The following CEP63 variants were observed in gnomAD, a reference collection of about 807,000 sequenced individuals.
CEP63 encodes the protein centrosomal protein 63.
A neutral mutation model predicts 89.1 loss-of-function variants in CEP63; 84 were observed. That is an observed-to-expected ratio of 0.94 (90% CI 0.79 to 1.13). The LOEUF is 1.13. Ranked by LOEUF, CEP63 falls within the 50% of genes most tolerant of loss-of-function variation. CEP63 has a pLI of 0.00. For missense variants in CEP63, 838 were observed against 813.3 expected (o/e 1.03, Z -0.37); for synonymous variants, 267 against 272.5 (o/e 0.98, Z 0.20).
the CEP63 span, among the ~76,000 whole-genome samples, chr3:134,678,648 T>C: frequency 6.6e-6 from 1 of 152,346 alleles, no homozygotes; most frequent in Non-Finnish European, 1.5e-5. Context: ...GTGGGTTCTA[T>C]AAGTGTCCTC....
At chr3:134,589,523 A>G (rs1373193572), downstream of CEP63, among the ~76,000 whole-genome samples, 1 of 152,110 alleles carries the variant, frequency 6.6e-6, no homozygotes, top group Non-Finnish European at 1.5e-5. Flanking sequence ...AAAAGGTAGA[A>G]TGACAGAGAA....
At chr3:134,645,644 T>A in the CEP63 span, among the ~76,000 whole-genome samples, 5 of 152,200 alleles carry the variant, frequency 3.3e-5, no homozygotes, top group African/African-American at 7.2e-5. Flanking sequence ...TTACACATGT[T>A]GATGGAGTGG....
the CEP63 span, among the ~76,000 whole-genome samples, chr3:134,775,602 G>A: frequency 1.3e-5 from 2 of 152,142 alleles, no homozygotes; most frequent in Non-Finnish European, 2.9e-5. Context: ...GGGAGCCCCA[G>A]AGAGTCCAAT....
intron 10 of CEP63, among the ~76,000 whole-genome samples, chr3:134,583,609 A>G (rs1278667395): frequency 6.6e-6 from 1 of 152,186 alleles, no homozygotes; most frequent in Non-Finnish European, 1.5e-5. Context: ...GAAGTCAGGT[A>G]GAGTGATACC....
At chr3:134,619,110 G>A in the CEP63 span, 1 of 1,511,268 alleles carries the variant, frequency 6.6e-7, no homozygotes, top group South Asian at 1.1e-5. Context: ...GAGAGGGATG[G>A]GTCCGGTGGT....
chr3:134,532,632 GT>G, intron 4 of CEP63, 145 bp from the exon 5 acceptor site: 1 of 578,142 alleles, frequency 1.7e-6, no homozygotes, highest in Non-Finnish European at 3.0e-6. Flanking sequence ...TTAATTTTTA[GT>G]TTCCTTTTGT....
intron 7 of CEP63, 68 bp downstream of exon 7, chr3:134,545,887 C>G: frequency 8.3e-7 from 1 of 1,200,472 alleles, no homozygotes; most frequent in African/African-American, 1.5e-5. Flanking sequence ...TGTTATTAAG[C>G]TAGAACTAGG....
chr3:134,606,742 G>A, the CEP63 span, among the ~76,000 whole-genome samples: 1 of 152,006 alleles, frequency 6.6e-6, no homozygotes, highest in Admixed American at 6.6e-5. Flanking sequence ...TGAATGACTG[G>A]GAAGACTTGA....
At chr3:134,700,276 G>A in the CEP63 span, among the ~76,000 whole-genome samples, 68,746 of 152,072 alleles carry the variant, frequency 0.45, 16,215 homozygotes, top group East Asian at 0.67. Context: ...TGGCCCTGGC[G>A]CTCAACAGCT....
intron 10 of CEP63, among the ~76,000 whole-genome samples, chr3:134,585,361 G>A (rs573180595): frequency 6.6e-6 from 1 of 152,248 alleles, no homozygotes; most frequent in South Asian, 2.1e-4. Flanking sequence ...TGCTTTGAAT[G>A]TGTCCCAGAG....
the CEP63 span, among the ~76,000 whole-genome samples, chr3:134,716,330 T>G: frequency 1.3e-5 from 2 of 152,214 alleles, no homozygotes; most frequent in Non-Finnish European, 2.9e-5. Flanking sequence ...GTTTTCAGTC[T>G]TATTCTCAGC....
chr3:134,610,359 G>A, the CEP63 span: 33 of 1,612,946 alleles, frequency 2.0e-5, no homozygotes, highest in Admixed American at 2.3e-4. Flanking sequence ...AGCCAGGCAC[G>A]GTCATACACT....
chr3:134,678,965 C>G, the CEP63 span, among the ~76,000 whole-genome samples: 16 of 152,264 alleles, frequency 1.1e-4, no homozygotes, highest in Admixed American at 4.6e-4. Context: ...AGAGCTCATT[C>G]AGGTCTCAGT....
At chr3:134,723,769 G>A in the CEP63 span, among the ~76,000 whole-genome samples, 33,308 of 152,072 alleles carry the variant, frequency 0.22, 3,856 homozygotes, top group African/African-American at 0.29. Context: ...GTAATATAAA[G>A]GCCTCCCACC....
chr3:134,503,100 C>CTTTTTTTTT (rs34673408), intron 2 of CEP63, among the ~76,000 whole-genome samples: 1,654 of 91,066 alleles, frequency 0.018, no homozygotes, highest in East Asian at 0.024. Context: ...TGATTTCAAT[C>CTTTTTTTTT]TTTTTTTTTT....
At chr3:134,740,640 CCT>C in the CEP63 span, among the ~76,000 whole-genome samples, 2 of 152,134 alleles carry the variant, frequency 1.3e-5, no homozygotes, top group African/African-American at 4.8e-5. Context: ...TGGATTCTTA[CCT>C]CTCCGTGTGG....
the CEP63 span, among the ~76,000 whole-genome samples, chr3:134,737,900 C>T: frequency 2.6e-5 from 4 of 152,156 alleles, no homozygotes; most frequent in African/African-American, 9.7e-5. Context: ...ATGGTTTTCC[C>T]ATGCGGTCTC....
At chr3:134,727,027 T>A in the CEP63 span, among the ~76,000 whole-genome samples, 28 of 152,298 alleles carry the variant, frequency 1.8e-4, no homozygotes, top group Admixed American at 1.8e-3. Context: ...TCCTCTTTCT[T>A]CATGCTGCCC....
the CEP63 span, among the ~76,000 whole-genome samples, chr3:134,688,219 T>C: frequency 2.0e-5 from 3 of 152,184 alleles, no homozygotes; most frequent in African/African-American, 7.2e-5. Flanking sequence ...ATACAATAGA[T>C]TACTATTTTG....
Sources: gnomAD v4.1 joint callset for allele counts (sites outside exome capture counted in the v4.1 genomes callset) on GRCh38, gnomAD v4.1.1 for gene constraint, MANE v1.5 for transcripts, NCBI Gene and HGNC (gene_info 2026-07-23, HGNC 2026-07-21) for gene names.